The following PCDHGB1 variants were observed in gnomAD, a reference collection of about 807,000 sequenced individuals.
PCDHGB1 encodes protocadherin gamma-B1.
Under a neutral mutation model 56.6 loss-of-function variants are expected in PCDHGB1, and 34 were observed. That is an observed-to-expected ratio of 0.60 (90% confidence interval 0.46 to 0.80). PCDHGB1 has a LOEUF of 0.80. Among genes scored for constraint, PCDHGB1 ranks in the 30% least tolerant of loss-of-function variants. The pLI, the probability that PCDHGB1 is intolerant of heterozygous loss-of-function variation, is 0.00. For synonymous variants in PCDHGB1, 561 were observed against 505.9 expected (o/e 1.11, Z -1.46); for missense variants, 1,278 against 1,204.6 (o/e 1.06, Z -0.90).
At chr5:141,397,279 G>A (rs1208403541) in intron 1 of PCDHGB1, among the ~76,000 whole-genome samples, 1 of 152,168 alleles carries the variant, frequency 6.6e-6, no homozygotes, top group East Asian at 1.9e-4. Context: ...CATATGGGCA[G>A]TATACTTGAA....
At chr5:141,361,676 T>C (rs1447277018) in intron 1 of PCDHGB1, 1 of 1,613,624 alleles carries the variant, frequency 6.2e-7, no homozygotes, top group Non-Finnish European at 8.5e-7. Context: ...AGCGGGGTGG[T>C]GTTCGCGCAG....
intron 1 of PCDHGB1, among the ~76,000 whole-genome samples, chr5:141,469,189 T>C (rs1393685141): frequency 2.6e-5 from 4 of 151,710 alleles, no homozygotes; most frequent in African/African-American, 9.7e-5. Flanking sequence ...GGCAAGAGGA[T>C]TGCTTGAGCC....
intron 1 of PCDHGB1, among the ~76,000 whole-genome samples, chr5:141,437,886 C>A (rs763669578): frequency 6.6e-6 from 1 of 152,022 alleles, no homozygotes; most frequent in Non-Finnish European, 1.5e-5. Flanking sequence ...TACAGGCACA[C>A]GCCACCACAC....
At position 141,438,591 on chromosome 5, in the gene PCDHGB1, CATATATATATATAT is replaced by C. The variant is rs946798767; in HGVS notation, c.2410-56184_2410-56171del. Among the ~76,000 whole-genome samples the C allele has an allele frequency of 7.9e-5, 6 of 75,562 alleles. No individual in the cohort carries two copies. The East Asian group carries it at 1.7e-3, about 22-fold the overall frequency. 49.6% of individuals were successfully genotyped at this position (75,562 alleles called of 152,430 possible). On this transcript the variant is annotated intron_variant, in intron 1 of 3. Transcript: ENST00000523390. ...TCTGATATACATACATACATACATA[CATATATATATATAT>C]ATATATATATATATATATATATATA...
intron 1 of PCDHGB1, among the ~76,000 whole-genome samples, chr5:141,452,054 C>A (rs578157525): frequency 6.4e-4 from 97 of 152,196 alleles, no homozygotes; most frequent in African/African-American, 2.2e-3. Flanking sequence ...TTTGTAATAA[C>A]TTATTCTACT....
In PCDHGB1 at chr5:141,491,848, C is replaced by A; in HGVS notation, c.2410-2959C>A. 1 of 1,461,478 alleles carries A rather than the reference C, an allele frequency of 6.8e-7. No homozygotes were observed. Among genetic ancestry groups the A allele is most frequent in the Non-Finnish European group, 9.1e-7 (1 of 1,104,578 alleles). The allele number at this position is 1,461,478 out of a possible 1,614,324, so 90.5% of individuals were successfully genotyped here. A position where few individuals can be genotyped will look rare whatever the true frequency, so the allele number is the denominator to read the frequency against. On this transcript the variant is annotated intron_variant, in intron 1 of 3. Transcript: ENST00000523390. This position sits in a 1 kb window ranked among gnomAD's most constrained non-coding sequence, Gnocchi z 6.9. ...CACCCGATTCTCGGGATCATTGGAC[C>A]GTTTGCGCGAAACCAGAGTGGCCGA...
At chr5:141,403,416 C>T in intron 1 of PCDHGB1, 1 of 1,614,034 alleles carries the variant, frequency 6.2e-7, no homozygotes, top group Non-Finnish European at 8.5e-7. Context: ...TATCCACTTC[C>T]AGAAGCTATT....
In PCDHGB1 at chr5:141,486,828, G is replaced by T. The variant is rs140257646; in HGVS notation, c.2410-7979G>T. ...CCCCTTAGCAGCACTGTAACAGTTC[G>T]TCTATTTGTGCTGGACCTCAATGAC... On this transcript the variant is annotated intron_variant, in intron 1 of 3. Coordinates refer to ENST00000523390, the MANE Select transcript of PCDHGB1 (RefSeq NM_018922.3). This position sits in a 1 kb window ranked among gnomAD's most constrained non-coding sequence, Gnocchi z 5.0. The T allele has an allele frequency of 8.7e-6, 14 of 1,614,218 alleles. No homozygotes were observed. The highest frequency in any genetic ancestry group is 1.2e-5 in the Non-Finnish European group (14 of 1,180,042).
chr5:141,476,062 A>G lies in PCDHGB1; in HGVS notation c.2410-18745A>G, dbSNP rs2099384587. On this transcript the variant is annotated intron_variant, in intron 1 of 3. Coordinates refer to ENST00000523390, the MANE Select transcript of PCDHGB1 (RefSeq NM_018922.3). This position sits in a 1 kb window ranked among gnomAD's most constrained non-coding sequence, Gnocchi z 7.6. ...AGCGCTAACCCGCTGAAAGTTTCTC[A>G]GCGAAATCTCAGGGACGATCTGGAC... The G allele has an allele frequency of 1.8e-5, 27 of 1,509,766 alleles. No individual in the cohort carries two copies. Among genetic ancestry groups the G allele is most frequent in the Non-Finnish European group, 2.3e-5 (26 of 1,136,920 alleles). The allele number at this position is 1,509,766 out of a possible 1,614,324, so 93.5% of individuals were successfully genotyped here.
At chr5:141,364,703 G>C (rs1281129906) in intron 1 of PCDHGB1, 1 of 1,613,930 alleles carries the variant, frequency 6.2e-7, no homozygotes, top group East Asian at 2.2e-5. Context: ...AGAAATAATC[G>C]ATATTAATGA....
At chr5:141,403,978 C>T (rs965753943) in intron 1 of PCDHGB1, 2 of 1,613,714 alleles carry the variant, frequency 1.2e-6, no homozygotes, top group African/African-American at 2.7e-5. Context: ...ATGTAAATGA[C>T]AATAGACCTG....
intron 1 of PCDHGB1, chr5:141,414,885 C>T: frequency 6.2e-7 from 1 of 1,614,224 alleles, no homozygotes; most frequent in South Asian, 1.1e-5. Context: ...TGTACCCCGC[C>T]CTCCCCACAG....
Position 141,370,908 on chromosome 5 carries a change from C to G in PCDHGB1, c.2409+18239C>G, listed in dbSNP as rs372602970. ...TGTCAATTCGCTGCAGCAGTACTACCTCAGCCCTGATCCGCACTTCTCTTT... is the reference window on the plus strand; with the variant it reads ...TGTCAATTCGCTGCAGCAGTACTACGTCAGCCCTGATCCGCACTTCTCTTT... On this transcript the variant is annotated intron_variant, in intron 1 of 3. Transcript: ENST00000523390. 2.5e-6 allele frequency: 4 copies of G among 1,614,028 alleles called. No homozygotes were observed. The Admixed American group carries it at 6.7e-5, about 27-fold the overall frequency.
rs1293684074 is a variant in PCDHGB1 at position 141,512,899 on chromosome 5, C to T, written c.*1726C>T. On this transcript the variant is annotated 3_prime_UTR_variant, in exon 4 of 4. Transcript: ENST00000523390. ...CCCACCCCACCCTCTTCCTGTGTCT[C>T]ACGCAAGTTTTATACTCTAATATTT... 1 of 152,260 alleles carries T rather than the reference C, an allele frequency of 6.6e-6. No homozygotes were observed. Among genetic ancestry groups the T allele is most frequent in the Non-Finnish European group, 1.5e-5 (1 of 68,064 alleles). 9.4% of individuals were successfully genotyped at this position (152,260 alleles called of 1,614,324 possible). A position where few individuals can be genotyped will look rare whatever the true frequency, so the allele number is the denominator to read the frequency against.
chr5:141,368,022 A>C lies in PCDHGB1; in HGVS notation c.2409+15353A>C, dbSNP rs148102234. 3.7e-3 allele frequency among the ~76,000 whole-genome samples: 559 copies of C among 152,344 alleles called. 6 individuals are homozygous for C. Among genetic ancestry groups the C allele is most frequent in the African/African-American group, 0.013 (529 of 41,584 alleles). On this transcript the variant is annotated intron_variant, in intron 1 of 3. Coordinates refer to ENST00000523390, the MANE Select transcript of PCDHGB1 (RefSeq NM_018922.3). ...AATGAAATACTGGCCTATGTGCCTC[A>C]AATTCCAGGAGGATGTGTTATGTAA...
chr5:141,506,459 A>G (rs1159808052), intron 3 of PCDHGB1, among the ~76,000 whole-genome samples: 4 of 151,918 alleles, frequency 2.6e-5, no homozygotes, highest in Non-Finnish European at 4.4e-5. Context: ...AAAAAAAAAA[A>G]AAAAAAGAGC....
rs775416808 is a variant in PCDHGB1, at chr5:141,429,727, G to A, written c.2410-65080G>A. ...TAAATATTTACGCTCATGAAAGTAC[G>A]TAGCCAGTTATTTCTTAGGGAGAAT... On this transcript the variant is annotated intron_variant, in intron 1 of 3. Transcript: ENST00000523390. 7.2e-5 allele frequency among the ~76,000 whole-genome samples: 11 copies of A among 152,158 alleles called. 1 individual carries two copies. The highest frequency in any genetic ancestry group is 1.9e-4 in the East Asian group (1 of 5,188).
rs1239203203 is a variant in PCDHGB1 at position 141,403,933 on chromosome 5, G to T, written c.2409+51264G>T. 1.7e-5 allele frequency: 27 copies of T among 1,613,792 alleles called. No homozygotes were observed. The highest frequency in any genetic ancestry group is 1.6e-4 in the African/African-American group (12 of 74,902). ...TACAAGCTGAAGATGGTGGGGGATT[G>T]AAAGGGTGGACAAAAGTGCTCATTT... On this transcript the variant is annotated intron_variant, in intron 1 of 3. Transcript: ENST00000523390.
In PCDHGB1 at chr5:141,379,822, T is replaced by C. The variant is rs186939729; in HGVS notation, c.2409+27153T>C. ...GGTTTTGAGAGTTCAGTATAGAATT[T>C]TGAAGCATCAGGAAAAAAAACTACC... On this transcript the variant is annotated intron_variant, in intron 1 of 3. Transcript: ENST00000523390. Among the ~76,000 whole-genome samples, 5 of 150,884 alleles carry C rather than the reference T, an allele frequency of 3.3e-5. No individual in the cohort carries two copies. In the East Asian group the frequency reaches 9.7e-4, roughly 29 times the overall value.
Sources: gnomAD v4.1 joint callset for allele counts (sites outside exome capture counted in the v4.1 genomes callset) on GRCh38, gnomAD v4.1.1 for gene constraint, Gnocchi (gnomAD v3.1) non-coding constraint, MANE v1.5 for transcripts, NCBI Gene and HGNC (gene_info 2026-07-23, HGNC 2026-07-21) for gene names.